The following KAT6B variants were observed in gnomAD, a reference collection of about 807,000 sequenced individuals.
KAT6B encodes lysine acetyltransferase 6B, also known as histone acetyltransferase KAT6B.
A neutral mutation model predicts 187.5 loss-of-function variants in KAT6B; 10 were observed. The ratio of observed to expected loss-of-function variants is 0.05; its 90% CI spans 0.03 to 0.09. KAT6B has a LOEUF of 0.09. KAT6B is among the 10% of genes least tolerant of loss of function. KAT6B has a pLI of 1.00. For synonymous variants in KAT6B, 861 were observed against 926.8 expected, an observed-to-expected ratio of 0.93 and a Z score of 1.29; for missense variants, 1,952 against 2,558.9, an observed-to-expected ratio of 0.76 and a Z score of 5.12.
At chr10:74,900,286 A>C (rs952724273) in intron 3 of KAT6B, among the ~76,000 whole-genome samples, 3 of 152,220 alleles carry the variant, frequency 2.0e-5, no homozygotes, top group Non-Finnish European at 4.4e-5. Context: ...TATATTATTA[A>C]TTAATTCATA....
chr10:74,984,971 A>T, intron 11 of KAT6B, 109 bp from the exon 12 acceptor site: 1 of 1,028,228 alleles, frequency 9.7e-7, no homozygotes, highest in Non-Finnish European at 1.5e-6. Flanking sequence ...CTCTCAGTTT[A>T]GGATTTGGAA....
intron 13 of KAT6B, among the ~76,000 whole-genome samples, chr10:74,995,237 T>C (rs936298603): frequency 6.6e-6 from 1 of 152,246 alleles, no homozygotes; most frequent in African/African-American, 2.4e-5. Context: ...TTACCCCAAG[T>C]GTATTTAGTC....
intron 4 of KAT6B, among the ~76,000 whole-genome samples, chr10:74,961,960 G>A (rs1841125145): frequency 6.6e-6 from 1 of 152,122 alleles, no homozygotes; most frequent in Non-Finnish European, 1.5e-5. Flanking sequence ...GAGGCTTTGG[G>A]GCCAAGGTAT....
At chr10:74,949,169 G>C (rs1421250139) in intron 3 of KAT6B, among the ~76,000 whole-genome samples, 1 of 152,226 alleles carries the variant, frequency 6.6e-6, no homozygotes, top group Non-Finnish European at 1.5e-5. Context: ...GCTTGCCAAA[G>C]AGAATAGTTT....
chr10:74,893,358 T>C (rs1016843250), intron 3 of KAT6B, among the ~76,000 whole-genome samples: 2 of 152,202 alleles, frequency 1.3e-5, no homozygotes, highest in African/African-American at 4.8e-5. Context: ...TTGGATAAAA[T>C]GAATTTGGAT....
At chr10:74,828,278 G>A (rs1264098536) in intron 1 of KAT6B, among the ~76,000 whole-genome samples, 3 of 152,160 alleles carry the variant, frequency 2.0e-5, no homozygotes, top group Non-Finnish European at 4.4e-5. Context: ...AATTACAGAT[G>A]TGGGAAATAG....
chr10:74,967,404 T>C (rs944714820), intron 4 of KAT6B, among the ~76,000 whole-genome samples: 1 of 152,198 alleles, frequency 6.6e-6, no homozygotes, highest in Non-Finnish European at 1.5e-5. Flanking sequence ...GGTAAGGAAT[T>C]ACTTGATCAG....
In KAT6B at chr10:74,972,600, C is replaced by T; in HGVS notation, c.1022C>T (p.Pro341Leu). 1 of 1,613,004 alleles carries T rather than the reference C, an allele frequency of 6.2e-7. No individual in the cohort carries two copies. The highest frequency in any genetic ancestry group is 8.5e-7 in the Non-Finnish European group (1 of 1,179,348). Reference protein sequence around the residue: ...AAQIKRRYAKPIGRPKNKLKQ... With the variant: ...AAQIKRRYAKLIGRPKNKLKQ... ...CAAATAAAACGACGATATGCAAAAC[C>T]CATTGGACGACCGAAAAATAAATTA... Residue 341 changes from proline (P) to leucine (L), a missense_variant, in exon 7 of 18, where the codon CCC becomes CTC. This residue lies in a region of KAT6B where 417 missense variants were observed against 508.9 expected (regional missense o/e 0.82). Transcript: ENST00000287239.
Position 75,031,126 on chromosome 10 carries a change from C to G in KAT6B, c.*80C>G, listed in dbSNP as rs916144237. 2.0e-6 allele frequency: 3 copies of G among 1,490,134 alleles called. No individual in the cohort carries two copies. Among genetic ancestry groups the G allele is most frequent in the African/African-American group, 1.4e-5 (1 of 71,978 alleles). The allele number at this position is 1,490,134 out of a possible 1,614,324, so 92.3% of individuals were successfully genotyped here. ...CAAATACCTTTGAAGAGTACGATTT[C>G]AAAACCAGCAATTGGTGTGAATGCA... On this transcript the variant is annotated 3_prime_UTR_variant, in exon 18 of 18. Transcript: ENST00000287239.
At chr10:75,003,586 G>A (rs1393113533) in intron 13 of KAT6B, among the ~76,000 whole-genome samples, 1 of 152,108 alleles carries the variant, frequency 6.6e-6, no homozygotes, top group Non-Finnish European at 1.5e-5. Context: ...ATGTAATCAA[G>A]TATAATGATG....
intron 3 of KAT6B, among the ~76,000 whole-genome samples, chr10:74,844,873 T>C (rs11001181): frequency 0.039 from 5,942 of 152,312 alleles, 200 homozygotes; most frequent in East Asian, 0.13. Context: ...TATATTGATA[T>C]CAGTTAATTT....
chr10:74,830,479 CT>C (rs1840669500), intron 1 of KAT6B, among the ~76,000 whole-genome samples: 1 of 151,780 alleles, frequency 6.6e-6, no homozygotes, highest in Non-Finnish European at 1.5e-5. Context: ...AACTGTAACA[CT>C]TTTAGTTTTC....
At chr10:74,833,943 C>T (rs1183248618) in intron 1 of KAT6B, among the ~76,000 whole-genome samples, 2 of 152,210 alleles carry the variant, frequency 1.3e-5, no homozygotes, top group Non-Finnish European at 2.9e-5. Flanking sequence ...CTGAGTTAGG[C>T]TCATAAATAT....
At chr10:74,898,790 A>G (rs4746246) in intron 3 of KAT6B, among the ~76,000 whole-genome samples, 15,298 of 151,190 alleles carry the variant, frequency 0.1, 1,760 homozygotes, top group African/African-American at 0.28. Flanking sequence ...TTCAGTTTCA[A>G]ATGTAATCAT....
chr10:75,022,094 G>A lies in KAT6B; in HGVS notation c.3235G>A (p.Glu1079Lys). The change falls in exon 16 of 18, where the codon GAG becomes AAG. Residue 1079 changes from glutamate (E) to lysine (K), a missense_variant. Physicochemically the swap from Glu to Lys is moderately conservative, Grantham distance 56. Coordinates refer to ENST00000287239, the MANE Select transcript of KAT6B (RefSeq NM_012330.4). ...SEEEEEEEDE[E>K]EEEEEEEEEE... Reference sequence around the variant, plus strand: ...AGAAGAAGAGGAGGAGGAGGACGAGGAGGAGGAAGAAGAGGAGGAAGAAGA... The same window carrying A: ...AGAAGAAGAGGAGGAGGAGGACGAGAAGGAGGAAGAAGAGGAGGAAGAAGA... The A allele has an allele frequency of 6.3e-7, 1 of 1,583,830 alleles. No individual in the cohort carries two copies. Among genetic ancestry groups the A allele is most frequent in the Non-Finnish European group, 8.7e-7 (1 of 1,154,866 alleles).
intron 2 of KAT6B, among the ~76,000 whole-genome samples, chr10:74,840,488 A>C (rs952955532): frequency 6.6e-6 from 1 of 152,224 alleles, no homozygotes; most frequent in African/African-American, 2.4e-5. Flanking sequence ...AATAGGGTCG[A>C]AGTTATGGGG....
intron 1 of KAT6B, among the ~76,000 whole-genome samples, chr10:74,835,920 A>G (rs886215325): frequency 1.3e-5 from 2 of 152,224 alleles, no homozygotes; most frequent in South Asian, 4.1e-4. Flanking sequence ...CACTGCCACT[A>G]TCAAGTTCCA....
chr10:74,935,115 C>T lies in KAT6B; in HGVS notation c.622-24855C>T, dbSNP rs563572187. ...ACAATTTCTGTGCCTCAGCAAGACT[C>T]GAGCGTAACACTGACCTCACAGGAT... On this transcript the variant is annotated intron_variant, in intron 3 of 17. Transcript: ENST00000287239. 5.3e-5 allele frequency among the ~76,000 whole-genome samples: 8 copies of T among 152,328 alleles called. No individual in the cohort carries two copies. The South Asian group carries it at 1.4e-3, about 28-fold the overall frequency.
intron 6 of KAT6B, 113 bp from the exon 7 acceptor site, chr10:74,972,394 A>C (rs1184704868): frequency 1.3e-6 from 1 of 761,044 alleles, no homozygotes; most frequent in Non-Finnish European, 2.1e-6. Flanking sequence ...TTTTTGGAGT[A>C]AAGTTCAGCA....
Sources: allele counts gnomAD v4.1 joint callset (sites outside exome capture counted in the v4.1 genomes callset), GRCh38; gene constraint gnomAD v4.1.1; regional missense constraint gnomAD v4.1.1; transcripts MANE v1.5; gene names NCBI Gene and HGNC (gene_info 2026-07-23, HGNC 2026-07-21).